Variants in POR observed in about 807,000 individuals in gnomAD.
The protein encoded by POR is cytochrome p450 oxidoreductase.
A neutral mutation model predicts 84.0 loss-of-function variants in POR; 56 were observed. The observed-to-expected ratio is 0.67, with a 90% CI of 0.54 to 0.83. POR has a LOEUF of 0.83. Ranked by LOEUF, POR falls within the 40% of genes least tolerant of loss-of-function variation. The pLI, the probability that POR is intolerant of heterozygous loss-of-function variation, is 0.00. For missense variants in POR, 938 were observed against 944.3 expected (o/e 0.99, Z 0.09); for synonymous variants, 414 against 400.5 (o/e 1.03, Z -0.40).
chr7:75,965,923 C>T (rs1399468748), intron 2 of POR, among the ~76,000 whole-genome samples: 6 of 152,106 alleles, frequency 3.9e-5, no homozygotes, highest in Admixed American at 2.6e-4. Flanking sequence ...GTGCCCGGGG[C>T]GCACTGCAGA....
At chr7:75,920,232 A>AT (rs1294099676) in intron 1 of POR, among the ~76,000 whole-genome samples, 10 of 150,010 alleles carry the variant, frequency 6.7e-5, no homozygotes, top group African/African-American at 9.8e-5. Flanking sequence ...CGCCCGGCTA[A>AT]TTTTTTTTTG....
chr7:75,922,384 C>T (rs1429389547), intron 1 of POR, among the ~76,000 whole-genome samples: 3 of 146,182 alleles, frequency 2.1e-5, no homozygotes, highest in East Asian at 4.1e-4. Flanking sequence ...AGTGCAGTGG[C>T]GCAATCTTGG....
Position 75,928,388 on chromosome 7 carries a change from C to T in POR, c.-5+13209C>T, listed in dbSNP as rs540149901. On this transcript the variant is annotated intron_variant, in intron 1 of 15. Transcript: ENST00000461988. Reference sequence around the variant, plus strand: ...GCTAGTCGTGGACACCTGCAGCAGACGTATGTTCACTGCGTGTTTCTGGGC... The same window carrying T: ...GCTAGTCGTGGACACCTGCAGCAGATGTATGTTCACTGCGTGTTTCTGGGC... Among the ~76,000 whole-genome samples, 34 of 152,316 alleles carry T rather than the reference C, an allele frequency of 2.2e-4. No individual in the cohort carries two copies. The South Asian group carries it at 5.8e-3, about 26-fold the overall frequency.
At chr7:75,944,704 G>A (rs1208565085) in intron 1 of POR, among the ~76,000 whole-genome samples, 2 of 152,158 alleles carry the variant, frequency 1.3e-5, no homozygotes, top group East Asian at 3.8e-4. Context: ...TTAAGATATA[G>A]AGAAGAATGA....
chr7:75,948,371 G>A (rs1249910114), intron 1 of POR, among the ~76,000 whole-genome samples: 1 of 152,236 alleles, frequency 6.6e-6, no homozygotes, highest in Non-Finnish European at 1.5e-5. Context: ...GGGGCACTCA[G>A]GGCCAAGCCC....
intron 1 of POR, among the ~76,000 whole-genome samples, chr7:75,929,615 G>A (rs1045703650): frequency 1.1e-4 from 16 of 152,152 alleles, no homozygotes; most frequent in African/African-American, 3.4e-4. Flanking sequence ...TGAAACGCAA[G>A]CAACGCTGGG....
chr7:75,935,489 G>GC (rs1392538148), intron 1 of POR, among the ~76,000 whole-genome samples: 1 of 151,894 alleles, frequency 6.6e-6, no homozygotes, highest in Admixed American at 6.6e-5. Flanking sequence ...CAGGTGATCT[G>GC]CCCCCGTCGG....
rs1260649134 is a variant in POR, at chr7:75,980,209, T to C, written c.367-130T>C. 6.3e-6 allele frequency: 7 copies of C among 1,113,996 alleles called. No homozygotes were observed. In the East Asian group the frequency reaches 1.8e-4, roughly 29 times the overall value. The allele number at this position is 1,113,996 out of a possible 1,614,324, so 69.0% of individuals were successfully genotyped here. A position where few individuals can be genotyped will look rare whatever the true frequency, so the allele number is the denominator to read the frequency against. ...CCTCCGTGTTGTTACTTCTCTCTGA[T>C]CCCACGACACTCAGACATCCCTGGC... On this transcript the variant is annotated intron_variant, in intron 4 of 15. Coordinates refer to ENST00000461988, the MANE Select transcript of POR (RefSeq NM_000941.3).
chr7:75,967,437 G>A (rs933930838), intron 2 of POR, among the ~76,000 whole-genome samples: 4 of 152,102 alleles, frequency 2.6e-5, no homozygotes, highest in Admixed American at 6.5e-5. Flanking sequence ...GATGCTTCCC[G>A]CTGACATGGA....
intron 1 of POR, among the ~76,000 whole-genome samples, chr7:75,935,263 C>T (rs941521780): frequency 6.6e-6 from 1 of 151,956 alleles, no homozygotes; most frequent in African/African-American, 2.4e-5. Flanking sequence ...TGGCTCACAC[C>T]TGTAATCCCA....
intron 1 of POR, among the ~76,000 whole-genome samples, chr7:75,951,490 G>C (rs1167836436): frequency 5.3e-5 from 8 of 152,180 alleles, no homozygotes; most frequent in African/African-American, 1.9e-4. Context: ...AAAGACCCAA[G>C]CTTGCGGGCC....
chr7:75,923,761 G>A (rs1167473839), intron 1 of POR, among the ~76,000 whole-genome samples: 2 of 151,994 alleles, frequency 1.3e-5, no homozygotes, highest in Non-Finnish European at 2.9e-5. Flanking sequence ...GGTGGCACAC[G>A]CCTGTAATCC....
chr7:75,959,763 T>A (rs1787853465), intron 2 of POR, among the ~76,000 whole-genome samples: 1 of 152,130 alleles, frequency 6.6e-6, no homozygotes, highest in Non-Finnish European at 1.5e-5. Flanking sequence ...GCCAAACACA[T>A]TTTTAAAACA....
rs781805159 is a variant in POR at position 75,985,171 on chromosome 7, GC to G, written c.1363del (p.Gln455ArgfsTer90). 2.3e-5 allele frequency: 37 copies of G among 1,598,580 alleles called. No homozygotes were observed. Among genetic ancestry groups the G allele is most frequent in the Non-Finnish European group, 3.0e-5 (35 of 1,179,134 alleles). On this transcript the variant is annotated frameshift_variant, in exon 12 of 16. Transcript: ENST00000461988. LOFTEE classifies it high-confidence loss of function. ...ACCTGTGTGAGCTGCTGCCGCGCCT[GC>G]AGGCCCGCTACTACTCCATCGCCTC...
intron 1 of POR, among the ~76,000 whole-genome samples, chr7:75,917,268 A>G (rs1554548168): frequency 6.6e-6 from 1 of 151,684 alleles, no homozygotes; most frequent in African/African-American, 2.4e-5. Context: ...TTGGTTTGCC[A>G]TGTTGCCCAG....
rs976399297 is a variant in POR at position 75,957,499 on chromosome 7, G to A, written c.188+3319G>A. On this transcript the variant is annotated intron_variant, in intron 2 of 15. Transcript: ENST00000461988. The stretch of plus-strand genomic sequence containing the variant: ...CCCTCATCTGTAAAATGGAAGTTCC[G>A]CCCCACCGCCGTGAGTGAGGACGTG... Among the ~76,000 whole-genome samples the A allele has an allele frequency of 2.6e-5, 4 of 151,830 alleles. No individual in the cohort carries two copies. The South Asian group carries it at 6.3e-4, about 24-fold the overall frequency.
chr7:75,959,437 G>A (rs570285579), intron 2 of POR, among the ~76,000 whole-genome samples: 1 of 152,278 alleles, frequency 6.6e-6, no homozygotes, highest in Admixed American at 6.5e-5. Flanking sequence ...ATGATTTCTG[G>A]TGGCTTCTAG....
intron 1 of POR, among the ~76,000 whole-genome samples, chr7:75,923,891 AAAAAAAAAAAAAG>A (rs1360416971): frequency 6.6e-6 from 1 of 150,794 alleles, no homozygotes; most frequent in Non-Finnish European, 1.5e-5. Context: ...TCCATCTCAA[AAAAAAAAAAAAAG>A]AAAAGAAAAG....
chr7:75,919,048 G>A (rs1806722302), intron 1 of POR, among the ~76,000 whole-genome samples: 1 of 151,596 alleles, frequency 6.6e-6, no homozygotes, highest in African/African-American at 2.4e-5. Flanking sequence ...ACCCAGGCTG[G>A]AGTGCAGTGG....
Sources: allele counts gnomAD v4.1 joint callset (sites outside exome capture counted in the v4.1 genomes callset), GRCh38; gene constraint gnomAD v4.1.1; transcripts MANE v1.5; gene names NCBI Gene and HGNC (gene_info 2026-07-23, HGNC 2026-07-21).